The following CADM2 variants were observed in gnomAD, a reference collection of about 807,000 sequenced individuals.
CADM2 encodes immunoglobulin superfamily member 4D.
CADM2 carries 12 observed loss-of-function variants against 49.8 expected under a neutral mutation model. The observed-to-expected ratio is 0.24, with a 90% CI of 0.15 to 0.39. CADM2 has a LOEUF of 0.39. Ranked by LOEUF, CADM2 falls within the 10% of genes least tolerant of loss-of-function variation. The probability of loss-of-function intolerance (pLI) is 1.00; values close to 1 mark genes in which losing one functional copy is unlikely to be tolerated. For missense variants in CADM2, 378 were observed against 492.3 expected, an observed-to-expected ratio of 0.77 and a Z score of 2.20; for synonymous variants, 214 against 175.4, an observed-to-expected ratio of 1.22 and a Z score of -1.74.
intron 1 of CADM2, among the ~76,000 whole-genome samples, chr3:85,543,421 T>TGTGTGTGGGAGTGTGTGTGTGTGTGG (rs1491106808): frequency 4.8e-5 from 2 of 41,852 alleles, no homozygotes; most frequent in African/African-American, 1.6e-4. Flanking sequence ...GCCAAGCTAA[T>TGTGTGTGGGAGTGTGTGTGTGTGTGG]GTGTGTGTGT....
intron 8 of CADM2, among the ~76,000 whole-genome samples, chr3:86,005,398 A>G (rs1164611434): frequency 6.6e-6 from 1 of 152,060 alleles, no homozygotes; most frequent in Non-Finnish European, 1.5e-5. Context: ...TAAAAATACA[A>G]AAGTTAGCAG....
intron 1 of CADM2, among the ~76,000 whole-genome samples, chr3:85,703,560 A>G (rs1228441136): frequency 6.6e-6 from 1 of 152,136 alleles, no homozygotes; most frequent in Non-Finnish European, 1.5e-5. Context: ...AGTAGGTGCA[A>G]TATCAAAAAG....
intron 1 of CADM2, among the ~76,000 whole-genome samples, chr3:85,515,924 T>A (rs2060892670): frequency 6.6e-6 from 1 of 152,204 alleles, no homozygotes; most frequent in Non-Finnish European, 1.5e-5. Flanking sequence ...TTAGCCTTTG[T>A]GTTTGTGTAA....
intron 1 of CADM2, among the ~76,000 whole-genome samples, chr3:85,126,229 A>C (rs1271231477): frequency 6.6e-6 from 1 of 152,176 alleles, no homozygotes; most frequent in East Asian, 1.9e-4. Flanking sequence ...AGGTAGAATC[A>C]GTGTGAATAT....
intron 7 of CADM2, among the ~76,000 whole-genome samples, chr3:85,949,096 A>C (rs1723083864): frequency 6.6e-6 from 1 of 151,454 alleles, no homozygotes; most frequent in South Asian, 2.1e-4. Flanking sequence ...AGGGACAAGA[A>C]AACTCCTAGG....
At chr3:85,606,865 G>A (rs1052125678) in intron 1 of CADM2, among the ~76,000 whole-genome samples, 2 of 151,860 alleles carry the variant, frequency 1.3e-5, no homozygotes, top group African/African-American at 4.8e-5. Context: ...CTGCATTATT[G>A]GAAGTGAAGC....
chr3:85,056,477 A>ATTCCT, intron 1 of CADM2, among the ~76,000 whole-genome samples: 1 of 152,068 alleles, frequency 6.6e-6, no homozygotes, highest in Middle Eastern at 3.2e-3. Context: ...AGGTTTAATT[A>ATTCCT]TAAGTACATA....
intron 1 of CADM2, among the ~76,000 whole-genome samples, chr3:85,257,996 A>G (rs996554218): frequency 2.6e-5 from 4 of 152,088 alleles, no homozygotes; most frequent in East Asian, 3.9e-4. Context: ...TCAAAAATAT[A>G]CTTATTTCAC....
At chr3:86,058,747 A>C (rs1028956785) in intron 8 of CADM2, among the ~76,000 whole-genome samples, 1 of 152,068 alleles carries the variant, frequency 6.6e-6, no homozygotes, top group Non-Finnish European at 1.5e-5. Context: ...TCCTACCATT[A>C]TATTTATAAC....
intron 1 of CADM2, among the ~76,000 whole-genome samples, chr3:85,692,461 T>C (rs573938105): frequency 1.8e-4 from 28 of 152,228 alleles, no homozygotes; most frequent in Non-Finnish European, 3.4e-4. Flanking sequence ...GAAAGTCATG[T>C]AGCTAGGTGT....
At chr3:85,920,350 G>T (rs759457564) in intron 6 of CADM2, among the ~76,000 whole-genome samples, 2 of 151,692 alleles carry the variant, frequency 1.3e-5, no homozygotes, top group Non-Finnish European at 3.0e-5. Context: ...CATTTTTTTA[G>T]AACTAAACTG....
chr3:85,092,046 T>A (rs2037616431), intron 1 of CADM2, among the ~76,000 whole-genome samples: 1 of 152,184 alleles, frequency 6.6e-6, no homozygotes, highest in Admixed American at 6.5e-5. Context: ...TTTGTTTTAA[T>A]TTTGTTTAAT....
At chr3:85,559,931 C>T (rs934283928) in intron 1 of CADM2, among the ~76,000 whole-genome samples, 1 of 151,998 alleles carries the variant, frequency 6.6e-6, no homozygotes, top group Admixed American at 6.6e-5. Flanking sequence ...CTCTAAACAC[C>T]TTTTAATAAC....
chr3:86,063,301 G>T (rs1738914270), intron 8 of CADM2, among the ~76,000 whole-genome samples: 2 of 152,168 alleles, frequency 1.3e-5, no homozygotes, highest in Admixed American at 1.3e-4. Flanking sequence ...TAGAGGAGAA[G>T]TACTTCATGA....
At chr3:85,677,828 A>G (rs1206958795) in intron 1 of CADM2, among the ~76,000 whole-genome samples, 1 of 152,176 alleles carries the variant, frequency 6.6e-6, no homozygotes, top group Admixed American at 6.5e-5. Flanking sequence ...GAGATAGACA[A>G]GCAACATCTG....
intron 6 of CADM2, among the ~76,000 whole-genome samples, chr3:85,930,592 C>T (rs1720463525): frequency 6.6e-6 from 1 of 152,070 alleles, no homozygotes; most frequent in African/African-American, 2.4e-5. Flanking sequence ...ATTCCTACCT[C>T]CCTCTCAAAC....
intron 1 of CADM2, among the ~76,000 whole-genome samples, chr3:85,282,331 G>A (rs1221804935): frequency 7.0e-6 from 1 of 142,036 alleles, no homozygotes; most frequent in African/African-American, 2.7e-5. Context: ...GTGTGAACTC[G>A]GCTCATGGCA....
chr3:85,821,669 G>A (rs1420823053), intron 3 of CADM2, among the ~76,000 whole-genome samples: 1 of 152,116 alleles, frequency 6.6e-6, no homozygotes, highest in African/African-American at 2.4e-5. Flanking sequence ...AGGTCTAGGT[G>A]TGGAGCTGCA....
intron 1 of CADM2, among the ~76,000 whole-genome samples, chr3:85,109,355 GAGAA>G (rs2038366153): frequency 6.6e-6 from 1 of 151,768 alleles, no homozygotes; most frequent in South Asian, 2.1e-4. Flanking sequence ...CATAAACATA[GAGAA>G]AGAGAGACAG....
Sources: gnomAD v4.1 joint callset for allele counts (sites outside exome capture counted in the v4.1 genomes callset) on GRCh38, gnomAD v4.1.1 for gene constraint, MANE v1.5 for transcripts, NCBI Gene and HGNC (gene_info 2026-07-23, HGNC 2026-07-21) for gene names.